The following PABPC1L variants were observed in gnomAD, a reference collection of about 807,000 sequenced individuals.
PABPC1L encodes polyadenylate-binding protein 1-like.
Under a neutral mutation model 66.6 loss-of-function variants are expected in PABPC1L, and 31 were observed. The ratio of observed to expected loss-of-function variants is 0.47; its 90% CI spans 0.35 to 0.63. The LOEUF is 0.63. Ranked by LOEUF, PABPC1L falls within the 20% of genes least tolerant of loss-of-function variation. The pLI is 0.00. For synonymous variants in PABPC1L, 348 were observed against 335.1 expected (o/e 1.04, Z -0.42); for missense variants, 722 against 848.8 (o/e 0.85, Z 1.86).
rs374152957 is a variant in PABPC1L, at chr20:44,927,899, A to G, written c.973-2561A>G. On this transcript the variant is annotated intron_variant, in intron 7 of 14. Coordinates refer to ENST00000217073, the MANE Select transcript of PABPC1L (RefSeq NM_001372179.1). ...GGCTGGTCTCAAACCCCTGGGCTCA[A>G]GCAATTCTTCCGCCTCTGCTTCCCA... 1.5e-3 allele frequency among the ~76,000 whole-genome samples: 233 copies of G among 151,774 alleles called. 1 individual carries two copies. The highest frequency in any genetic ancestry group is 5.1e-3 in the African/African-American group (210 of 41,380).
rs914846701 is a variant in PABPC1L, at chr20:44,920,694, C to T, written c.739-900C>T. ...ATGTTGGCCAGGCTGGTATCGAACT[C>T]GTGACCTCAAGTGATCCACCCGCCT... On this transcript the variant is annotated intron_variant, in intron 5 of 14. Coordinates refer to ENST00000217073, the MANE Select transcript of PABPC1L (RefSeq NM_001372179.1). Among the ~76,000 whole-genome samples, 20 of 151,196 alleles carry T rather than the reference C, an allele frequency of 1.3e-4. 1 individual carries two copies. The highest frequency in any genetic ancestry group is 4.9e-4 in the African/African-American group (20 of 41,056).
chr20:44,931,331 C>T (rs1463943615), intron 8 of PABPC1L, among the ~76,000 whole-genome samples: 1 of 151,420 alleles, frequency 6.6e-6, no homozygotes. Flanking sequence ...TGTGTGCCAC[C>T]ATGCCCAGCT....
chr20:44,922,577 G>C (rs1447820955), intron 6 of PABPC1L, among the ~76,000 whole-genome samples: 1 of 151,918 alleles, frequency 6.6e-6, no homozygotes, highest in Non-Finnish European at 1.5e-5. Flanking sequence ...CATCATATTG[G>C]TCAGGCTGGT....
At chr20:44,931,005 C>CTTCCTTCCTTCCTTCCTTCCTTCCTTCCT (rs1262016753) in intron 8 of PABPC1L, among the ~76,000 whole-genome samples, 2 of 101,264 alleles carry the variant, frequency 2.0e-5, no homozygotes, top group African/African-American at 8.5e-5. Flanking sequence ...TTTTTCCTTC[C>CTTCCTTCCTTCCTTCCTTCCTTCCTTCCT]TCCCTTCCTT....
intron 9 of PABPC1L, 103 bp from the exon 10 acceptor site, chr20:44,932,954 C>T (rs543402101): frequency 1.5e-6 from 1 of 686,264 alleles, no homozygotes; most frequent in South Asian, 1.7e-5. Flanking sequence ...TTTCCCTTCC[C>T]ATTCTCTTGG....
chr20:44,923,731 G>A (rs964722765), intron 6 of PABPC1L, among the ~76,000 whole-genome samples: 1 of 152,162 alleles, frequency 6.6e-6, no homozygotes, highest in African/African-American at 2.4e-5. Context: ...GGGCTGGCAG[G>A]GGATGGAGGG....
chr20:44,910,890 G>A (rs2145549846), intron 1 of PABPC1L, among the ~76,000 whole-genome samples: 1 of 152,368 alleles, frequency 6.6e-6, no homozygotes, highest in Admixed American at 6.5e-5. Flanking sequence ...GCTGCCTCCA[G>A]GCCGCAAGGC....
chr20:44,934,682 C>A (rs1367680078), intron 10 of PABPC1L, among the ~76,000 whole-genome samples: 1 of 152,158 alleles, frequency 6.6e-6, no homozygotes, highest in Non-Finnish European at 1.5e-5. Flanking sequence ...AAATAATATT[C>A]CATTGTATGT....
At chr20:44,915,691 C>T (rs970185525) in intron 2 of PABPC1L, among the ~76,000 whole-genome samples, 1 of 151,258 alleles carries the variant, frequency 6.6e-6, no homozygotes, top group East Asian at 2.0e-4. Context: ...CTCAGCTACT[C>T]GGGAGTCTGA....
intron 1 of PABPC1L, among the ~76,000 whole-genome samples, chr20:44,911,581 C>T (rs1804737855): frequency 6.6e-6 from 1 of 152,306 alleles, no homozygotes; most frequent in Admixed American, 6.5e-5. Flanking sequence ...TAGAGGGATC[C>T]CTTGCGCCAG....
chr20:44,921,953 G>A (rs2066777417), intron 6 of PABPC1L, among the ~76,000 whole-genome samples: 1 of 152,132 alleles, frequency 6.6e-6, no homozygotes, highest in Non-Finnish European at 1.5e-5. Flanking sequence ...AGGGGTGCTG[G>A]GGACCTTTTG....
intron 7 of PABPC1L, among the ~76,000 whole-genome samples, chr20:44,929,224 T>C (rs752993891): frequency 2.6e-5 from 4 of 152,062 alleles, no homozygotes; most frequent in Admixed American, 1.3e-4. Context: ...ATCATACCAC[T>C]GCACTCCAGC....
intron 12 of PABPC1L, chr20:44,937,838 G>A (rs2066913145): frequency 3.6e-6 from 2 of 548,786 alleles, no homozygotes; most frequent in Non-Finnish European, 6.2e-6. Flanking sequence ...ACCCAGTCCT[G>A]GCTGGGCCCT....
chr20:44,917,824 G>A (rs1285583942), intron 3 of PABPC1L, among the ~76,000 whole-genome samples: 5 of 152,154 alleles, frequency 3.3e-5, no homozygotes, highest in African/African-American at 9.7e-5. Context: ...ATCTTGGTGG[G>A]CTTTTCCCAG....
Position 44,910,079 on chromosome 20 carries a change from G to A in PABPC1L, c.-65G>A. 7.1e-7 allele frequency: 1 copy of A among 1,402,656 alleles called. No individual in the cohort carries two copies. The highest frequency in any genetic ancestry group is 1.3e-5 in the South Asian group (1 of 75,360). 86.9% of individuals were successfully genotyped at this position (1,402,656 alleles called of 1,614,324 possible). A position where few individuals can be genotyped will look rare whatever the true frequency, so the allele number is the denominator to read the frequency against. The stretch of plus-strand genomic sequence containing the variant: ...CCCAGGAAGGAGGGCTTCCGCCCGG[G>A]TGAGCGCGGGGCTGCTGGGTGACCC... On this transcript the variant is annotated 5_prime_UTR_variant, in exon 1 of 15. It adds an upstream start codon to the 5' untranslated region. Coordinates refer to ENST00000217073, the MANE Select transcript of PABPC1L (RefSeq NM_001372179.1).
intron 7 of PABPC1L, among the ~76,000 whole-genome samples, chr20:44,928,864 CAAAAAAAAAAAAAAAAA>C (rs10597679): frequency 3.7e-5 from 2 of 54,344 alleles, no homozygotes; most frequent in African/African-American, 1.7e-4. Flanking sequence ...GATCCTGACT[CAAAAAAAAAAAAAAAAA>C]AAAAGAAAAA....
Position 44,912,767 on chromosome 20 carries a change from A to ATCT in PABPC1L, c.304_306dup (p.Phe102dup). 1 of 1,614,172 alleles carries ATCT rather than the reference A, an allele frequency of 6.2e-7. No individual in the cohort carries two copies. ...ACTTCGCAAGTCAGGTGTGGGCAAC[A>ATCT]TCTTCATCAAGAACCTGGAGGACTC... On this transcript the variant is annotated inframe_insertion, in exon 2 of 15. Transcript: ENST00000217073.
intron 10 of PABPC1L, 104 bp downstream of exon 10, chr20:44,933,289 A>T: frequency 1.0e-6 from 1 of 962,908 alleles, no homozygotes; most frequent in Non-Finnish European, 1.6e-6. Context: ...CTCGGTGAGC[A>T]AAGCTGACTT....
intron 10 of PABPC1L, among the ~76,000 whole-genome samples, chr20:44,934,579 G>C (rs2066886142): frequency 6.6e-6 from 1 of 152,186 alleles, no homozygotes; most frequent in African/African-American, 2.4e-5. Flanking sequence ...TAGAATCATA[G>C]AGTATTTGTC....
Sources: gnomAD v4.1 joint callset for allele counts (sites outside exome capture counted in the v4.1 genomes callset) on GRCh38, gnomAD v4.1.1 for gene constraint, MANE v1.5 for transcripts, NCBI Gene and HGNC (gene_info 2026-07-23, HGNC 2026-07-21) for gene names.